The following WWTR1 variants were observed in gnomAD, a reference collection of about 807,000 sequenced individuals.
WWTR1 encodes the protein WW domain containing transcription regulator 1, also known as WW domain-containing transcription regulator protein 1.
Under a neutral mutation model 40.1 loss-of-function variants are expected in WWTR1, and 13 were observed. That is an observed-to-expected ratio of 0.32 (90% CI 0.21 to 0.52). WWTR1 has a LOEUF of 0.52. WWTR1 is among the 20% of genes least tolerant of loss of function. The pLI is 0.97. For missense variants in WWTR1, 436 were observed against 523.1 expected (o/e 0.83, Z 1.63); for synonymous variants, 230 against 210.1 (o/e 1.09, Z -0.82).
chr3:149,683,340 G>C (rs12490769), intron 1 of WWTR1, among the ~76,000 whole-genome samples: 22,058 of 152,190 alleles, frequency 0.14, 1,999 homozygotes, highest in Admixed American at 0.27. Flanking sequence ...ACACTTAAAG[G>C]CCTTTCTAGA....
chr3:149,716,561 T>A (rs1715610537), intron 5 of WWTR1, among the ~76,000 whole-genome samples: 1 of 151,968 alleles, frequency 6.6e-6, no homozygotes, highest in Non-Finnish European at 1.5e-5. Context: ...CAAAGGAAAA[T>A]AAAAATATTC....
rs547789523 is a variant in WWTR1, at chr3:149,591,311, A to G, written c.432-18311T>C. On this transcript the variant is annotated intron_variant, in intron 2 of 6. Coordinates refer to ENST00000360632, the MANE Select transcript of WWTR1 (RefSeq NM_015472.6). Reference sequence around the variant, plus strand: ...GGGATGTGATTCTTAAGGCCCTGCCACTTGGAAAGCCAAAACCTGTTCCTT... The same window carrying G: ...GGGATGTGATTCTTAAGGCCCTGCCGCTTGGAAAGCCAAAACCTGTTCCTT... Among the ~76,000 whole-genome samples, 21 of 152,332 alleles carry G rather than the reference A, an allele frequency of 1.4e-4. No homozygotes were observed. The East Asian group carries it at 3.5e-3, about 25-fold the overall frequency.
At chr3:149,555,259 C>A (rs1042795412) in intron 3 of WWTR1, among the ~76,000 whole-genome samples, 2 of 152,026 alleles carry the variant, frequency 1.3e-5, no homozygotes, top group African/African-American at 4.8e-5. Flanking sequence ...TAGTAAACAT[C>A]TTTATTATGG....
At chr3:149,656,787 TCTCTCA>T (rs1363920002) in intron 2 of WWTR1, 83 bp downstream of exon 2, 258 of 857,326 alleles carry the variant, frequency 3.0e-4, no homozygotes, top group Middle Eastern at 1.6e-3. Context: ...TCTCTCTCTC[TCTCTCA>T]CACACACACA....
chr3:149,593,305 G>T (rs776172351), intron 2 of WWTR1, among the ~76,000 whole-genome samples: 2 of 152,020 alleles, frequency 1.3e-5, no homozygotes, highest in Non-Finnish European at 2.9e-5. Context: ...CAATGTTAAT[G>T]CACCGTACAC....
At chr3:149,680,233 G>C (rs1017964610) in intron 1 of WWTR1, among the ~76,000 whole-genome samples, 2 of 152,168 alleles carry the variant, frequency 1.3e-5, no homozygotes, top group African/African-American at 4.8e-5. Flanking sequence ...AATATCAAAT[G>C]AGGGTATATA....
chr3:149,608,527 A>C (rs947498380), intron 2 of WWTR1, among the ~76,000 whole-genome samples: 26 of 152,116 alleles, frequency 1.7e-4, no homozygotes, highest in African/African-American at 6.0e-4. Context: ...CTAGGACTAC[A>C]GGCATGTGCC....
chr3:149,568,523 CAAAAAAAAAAAAAAAAAAAAAAAAA>C (rs34414853), intron 3 of WWTR1, among the ~76,000 whole-genome samples: 3 of 64,804 alleles, frequency 4.6e-5, no homozygotes, highest in Non-Finnish European at 6.3e-5. Context: ...AATTAAAGTG[CAAAAAAAAAAAAAAAAAAAAAAAAA>C]AAAAAAAAAA....
upstream of WWTR1, among the ~76,000 whole-genome samples, chr3:149,707,774 A>G (rs917288991): frequency 2.0e-5 from 3 of 151,986 alleles, no homozygotes; most frequent in Admixed American, 6.6e-5. Context: ...ATATGTTTGC[A>G]TGTCCCCAAA....
intron 3 of WWTR1, among the ~76,000 whole-genome samples, chr3:149,556,501 C>A (rs1736832073): frequency 6.6e-6 from 1 of 152,284 alleles, no homozygotes; most frequent in African/African-American, 2.4e-5. Flanking sequence ...ATTGCTTGAA[C>A]CCGGAAGGTG....
Position 149,616,835 on chromosome 3 carries a change from T to C in WWTR1, c.431+40041A>G, listed in dbSNP as rs538651577. 2.3e-4 allele frequency among the ~76,000 whole-genome samples: 35 copies of C among 152,324 alleles called. 1 individual carries two copies. Among genetic ancestry groups the C allele is most frequent in the Admixed American group, 2.1e-3 (32 of 15,294 alleles). On this transcript the variant is annotated intron_variant, in intron 2 of 6. Transcript: ENST00000360632. The stretch of plus-strand genomic sequence containing the variant: ...TTTCTAAAACTGAACCTAAGTTATT[T>C]AGGACAAAGGCCATGTACTTATTCA...
chr3:149,723,245 A>G (rs1159134848), intron 4 of WWTR1, among the ~76,000 whole-genome samples: 1 of 142,424 alleles, frequency 7.0e-6, no homozygotes, highest in Non-Finnish European at 1.5e-5. Flanking sequence ...CTGGAGTTCA[A>G]TGGCACGATC....
chr3:149,529,513 TAAC>T (rs1370664094), intron 4 of WWTR1, among the ~76,000 whole-genome samples: 4 of 152,210 alleles, frequency 2.6e-5, no homozygotes, highest in Admixed American at 2.6e-4. Context: ...ATCAAATACT[TAAC>T]TAACAAATTT....
intron 4 of WWTR1, among the ~76,000 whole-genome samples, chr3:149,536,689 C>T (rs1232785798): frequency 3.3e-5 from 5 of 151,568 alleles, no homozygotes; most frequent in Admixed American, 6.6e-5. Flanking sequence ...CCCGGCGACC[C>T]GAGGCCAGGC....
chr3:149,680,279 C>T (rs894918545), intron 1 of WWTR1, among the ~76,000 whole-genome samples: 7 of 152,200 alleles, frequency 4.6e-5, no homozygotes, highest in African/African-American at 1.7e-4. Context: ...CACAGTGGCT[C>T]ATGCCTGTAA....
chr3:149,556,627 G>A (rs982931007), intron 3 of WWTR1, among the ~76,000 whole-genome samples: 1 of 152,170 alleles, frequency 6.6e-6, no homozygotes, highest in East Asian at 1.9e-4. Flanking sequence ...CACTCCTTGG[G>A]ATCAATGCCT....
Position 149,520,855 on chromosome 3 carries a change from C to T in WWTR1, c.1153G>A (p.Asp385Asn). The T allele has an allele frequency of 6.2e-7, 1 of 1,613,198 alleles. No individual in the cohort carries two copies. The highest frequency in any genetic ancestry group is 8.5e-7 in the Non-Finnish European group (1 of 1,179,698). Residue 385 changes from aspartate (D) to asparagine (N), a missense_variant, in exon 7 of 7, where the codon GAT becomes AAT. Physicochemically the swap from Asp to Asn is conservative, Grantham distance 23. Coordinates refer to ENST00000360632, the MANE Select transcript of WWTR1 (RefSeq NM_015472.6). ...ESEDLIPLFNDVESALNKSEP... is the reference protein window; with the variant it reads ...ESEDLIPLFNNVESALNKSEP... ...CTTTTGTTCAGAGCAGACTCTACAT[C>T]ATTGAAGAGGGGGATCAGGTCTTCA...
chr3:149,604,046 A>G (rs1000519897), intron 2 of WWTR1, among the ~76,000 whole-genome samples: 8 of 152,160 alleles, frequency 5.3e-5, no homozygotes, highest in African/African-American at 1.4e-4. Context: ...TAAACTCCAT[A>G]AATAGTAGTA....
chr3:149,613,452 C>T (rs982211906), intron 2 of WWTR1, among the ~76,000 whole-genome samples: 1 of 152,202 alleles, frequency 6.6e-6, no homozygotes, highest in Non-Finnish European at 1.5e-5. Flanking sequence ...GGTTCAGAAA[C>T]ATTATCTATC....
Sources: gnomAD v4.1 joint callset for allele counts (sites outside exome capture counted in the v4.1 genomes callset) on GRCh38, gnomAD v4.1.1 for gene constraint, MANE v1.5 for transcripts, NCBI Gene and HGNC (gene_info 2026-07-23, HGNC 2026-07-21) for gene names.